FRMD4A: variants seen among roughly 807,000 people sequenced by gnomAD.
The protein encoded by FRMD4A is FERM domain containing 4A.
A neutral mutation model predicts 129.1 loss-of-function variants in FRMD4A; 29 were observed. That is an observed-to-expected ratio of 0.22 (90% CI 0.17 to 0.31). The LOEUF (loss-of-function observed/expected upper bound fraction) is 0.31, where lower values mean the gene tolerates loss of function less well. Among genes scored for constraint, FRMD4A ranks in the 10% least tolerant of loss-of-function variants. The pLI, the probability that FRMD4A is intolerant of heterozygous loss-of-function variation, is 1.00. For missense variants in FRMD4A, 1,272 were observed against 1,375.8 expected, an observed-to-expected ratio of 0.92 and a Z score of 1.19; for synonymous variants, 634 against 571.6, an observed-to-expected ratio of 1.11 and a Z score of -1.56.
intron 2 of FRMD4A, chr10:14,008,008 T>C: frequency 7.8e-7 from 1 of 1,287,802 alleles, no homozygotes; most frequent in Non-Finnish European, 1.0e-6. Context: ...AAAACAAACA[T>C]CTTCCTGTCT....
At chr10:13,762,876 C>T (rs908399314) in intron 6 of FRMD4A, among the ~76,000 whole-genome samples, 196 bp from the exon 7 acceptor site, 9 of 152,174 alleles carry the variant, frequency 5.9e-5, no homozygotes, top group Middle Eastern at 3.4e-3. Context: ...CGTCTGTAGA[C>T]GCAGCTGTTT....
chr10:14,130,566 TA>T (rs1229706437), intron 2 of FRMD4A, among the ~76,000 whole-genome samples: 2 of 152,234 alleles, frequency 1.3e-5, no homozygotes, highest in African/African-American at 4.8e-5. Flanking sequence ...TAAACATTTT[TA>T]AGTTTCTTCT....
intron 2 of FRMD4A, among the ~76,000 whole-genome samples, chr10:14,027,458 A>C (rs1833036628): frequency 6.6e-6 from 1 of 152,236 alleles, no homozygotes; most frequent in Non-Finnish European, 1.5e-5. Context: ...TCTACTAAAA[A>C]TACAAAAATT....
At chr10:13,888,152 T>C (rs970862855) in intron 2 of FRMD4A, among the ~76,000 whole-genome samples, 1 of 152,164 alleles carries the variant, frequency 6.6e-6, no homozygotes, top group African/African-American at 2.4e-5. Flanking sequence ...ATACTACTGA[T>C]GTACTTCAGT....
At chr10:14,223,458 G>A (rs1362944188) in intron 2 of FRMD4A, among the ~76,000 whole-genome samples, 1 of 152,114 alleles carries the variant, frequency 6.6e-6, no homozygotes, top group Non-Finnish European at 1.5e-5. Context: ...GAGCCAAATA[G>A]GGGCTGGGTA....
Position 13,904,808 on chromosome 10 carries a change from C to T in FRMD4A, c.46-45896G>A, listed in dbSNP as rs191306101. On this transcript the variant is annotated intron_variant, in intron 2 of 24. Coordinates refer to ENST00000357447, the MANE Select transcript of FRMD4A (RefSeq NM_018027.5). ...AGGAGTTTGAGACCAGCCTGGCCAA[C>T]GTGGCGAAACCCTGTCTCTACTAAA... 2.4e-3 allele frequency among the ~76,000 whole-genome samples: 364 copies of T among 152,100 alleles called. 1 individual carries two copies. The highest frequency in any genetic ancestry group is 4.5e-3 in the Non-Finnish European group (303 of 68,000).
intron 2 of FRMD4A, among the ~76,000 whole-genome samples, chr10:13,874,877 A>T (rs1260024287): frequency 6.6e-6 from 1 of 152,198 alleles, no homozygotes; most frequent in East Asian, 1.9e-4. Context: ...TTGCTCCTAT[A>T]CTTAAGGAAC....
At chr10:13,891,532 CT>C in intron 2 of FRMD4A, 3 of 901,802 alleles carry the variant, frequency 3.3e-6, no homozygotes, top group Non-Finnish European at 4.0e-6. Flanking sequence ...CGGCGCGTCC[CT>C]TTTCCCCGGC....
intron 6 of FRMD4A, among the ~76,000 whole-genome samples, chr10:13,776,688 G>T (rs539450988): frequency 3.2e-4 from 49 of 152,296 alleles, no homozygotes; most frequent in Admixed American, 9.2e-4. Flanking sequence ...AGAAATAAGC[G>T]GCTTATTTTA....
At chr10:13,782,734 G>C (rs1356024595) in intron 6 of FRMD4A, among the ~76,000 whole-genome samples, 188 bp downstream of exon 6, 3 of 152,254 alleles carry the variant, frequency 2.0e-5, no homozygotes, top group Non-Finnish European at 2.9e-5. Context: ...GAGCCAGCGC[G>C]CCGGGTCAGG....
intron 17 of FRMD4A, chr10:13,667,578 G>A (rs2083159170): frequency 6.6e-6 from 1 of 152,280 alleles, no homozygotes; most frequent in South Asian, 2.1e-4. Flanking sequence ...CTCTGCAGAT[G>A]TATGTACACC....
intron 2 of FRMD4A, among the ~76,000 whole-genome samples, chr10:14,045,374 T>C (rs1833944851): frequency 6.6e-6 from 1 of 152,156 alleles, no homozygotes; most frequent in Non-Finnish European, 1.5e-5. Flanking sequence ...GCCACTGTCT[T>C]CATGAAGCTT....
rs139560844 is a variant in FRMD4A at position 13,806,595 on chromosome 10, G to C, written c.206+4219C>G. On this transcript the variant is annotated intron_variant, in intron 4 of 24. Transcript: ENST00000357447. ...TTTTCTTCTTTGCTCTGGAGGGAGA[G>C]AGCACAGGAAATACTGCAACATGCC... is the stretch of plus-strand genomic sequence containing the variant. 2.1e-3 allele frequency among the ~76,000 whole-genome samples: 314 copies of C among 152,250 alleles called. 2 individuals are homozygous for C. Among genetic ancestry groups the C allele is most frequent in the African/African-American group, 7.3e-3 (302 of 41,542 alleles).
chr10:14,099,672 G>T (rs997032005), intron 2 of FRMD4A, among the ~76,000 whole-genome samples: 2 of 152,182 alleles, frequency 1.3e-5, no homozygotes, highest in Non-Finnish European at 2.9e-5. Context: ...TTGTGCAAGG[G>T]TCAGCTGTAT....
intron 2 of FRMD4A, among the ~76,000 whole-genome samples, chr10:13,927,863 A>G (rs2131276125): frequency 6.6e-6 from 1 of 152,338 alleles, no homozygotes; most frequent in East Asian, 1.9e-4. Flanking sequence ...AGCTCATAAG[A>G]AATGTAACAG....
chr10:13,686,084 C>T (rs949668909), intron 15 of FRMD4A, among the ~76,000 whole-genome samples: 2 of 152,228 alleles, frequency 1.3e-5, no homozygotes, highest in African/African-American at 4.8e-5. Flanking sequence ...CACGGTCCAG[C>T]ATAAACAAAC....
chr10:13,765,118 T>G (rs1290395887), intron 6 of FRMD4A, among the ~76,000 whole-genome samples: 1 of 147,818 alleles, frequency 6.8e-6, no homozygotes, highest in African/African-American at 2.5e-5. Context: ...TTTTTTGTTT[T>G]TTTTTTTTTT....
At chr10:13,850,187 T>A (rs2094121730) in intron 3 of FRMD4A, among the ~76,000 whole-genome samples, 1 of 151,932 alleles carries the variant, frequency 6.6e-6, no homozygotes, top group South Asian at 2.1e-4. Flanking sequence ...CCAGCCTGGG[T>A]GACAGAGTGA....
rs181262227 is a variant in FRMD4A at position 13,838,681 on chromosome 10, C to A, written c.111+20166G>T. Reference sequence around the variant, plus strand: ...CTAATTGTTGTATTTTTAGTAGAGACGGGGTTTCACCATGTTGGCCAGGCT... The same window carrying A: ...CTAATTGTTGTATTTTTAGTAGAGAAGGGGTTTCACCATGTTGGCCAGGCT... On this transcript the variant is annotated intron_variant, in intron 3 of 24. Transcript: ENST00000357447. Among the ~76,000 whole-genome samples the A allele has an allele frequency of 3.6e-4, 54 of 152,092 alleles. 2 individuals are homozygous for A. The East Asian group carries it at 9.3e-3, about 26-fold the overall frequency.
Sources: gnomAD v4.1 joint callset for allele counts (sites outside exome capture counted in the v4.1 genomes callset) on GRCh38, gnomAD v4.1.1 for gene constraint, MANE v1.5 for transcripts, NCBI Gene and HGNC (gene_info 2026-07-23, HGNC 2026-07-21) for gene names.